REV3L: variants seen among roughly 807,000 people sequenced by gnomAD.
The protein encoded by REV3L is REV3 like, DNA directed polymerase zeta catalytic subunit, also known as DNA polymerase zeta catalytic subunit.
A neutral mutation model predicts 299.4 loss-of-function variants in REV3L; 69 were observed. That is an observed-to-expected ratio of 0.23 (90% CI 0.19 to 0.28). The LOEUF (loss-of-function observed/expected upper bound fraction) is 0.28. REV3L is among the 10% of genes least tolerant of loss of function. The pLI, the probability that REV3L is intolerant of heterozygous loss-of-function variation, is 1.00. For missense variants in REV3L, 3,128 were observed against 3,693.8 expected (o/e 0.85, Z 3.97); for synonymous variants, 1,238 against 1,271.4 (o/e 0.97, Z 0.56).
chr6:111,316,442 TCAC>T (rs1396430131), intron 26 of REV3L, among the ~76,000 whole-genome samples: 1 of 151,762 alleles, frequency 6.6e-6, no homozygotes, highest in Non-Finnish European at 1.5e-5. Context: ...GGCGGGTGTA[TCAC>T]CTGAGGTCAG....
chr6:111,448,272 C>T (rs1274910173), intron 1 of REV3L, among the ~76,000 whole-genome samples: 1 of 152,030 alleles, frequency 6.6e-6, no homozygotes, highest in Non-Finnish European at 1.5e-5. Flanking sequence ...TACCATGCAA[C>T]GAAGATCTGT....
intron 5 of REV3L, among the ~76,000 whole-genome samples, chr6:111,390,614 T>C (rs1454698821): frequency 6.6e-6 from 1 of 152,088 alleles, no homozygotes; most frequent in African/African-American, 2.4e-5. Flanking sequence ...AAAGGGAAGG[T>C]GAGCACACTG....
At chr6:111,417,296 T>C (rs1423831356) in intron 1 of REV3L, among the ~76,000 whole-genome samples, 11 of 152,108 alleles carry the variant, frequency 7.2e-5, no homozygotes, top group Non-Finnish European at 1.5e-4. Flanking sequence ...CATGACAAGA[T>C]TAAGTAACAA....
chr6:111,313,333 C>T lies in REV3L; in HGVS notation c.8604+19G>A. On this transcript the variant is annotated intron_variant, in intron 28 of 31. Coordinates refer to ENST00000368802, the MANE Select transcript of REV3L (RefSeq NM_001372078.1). Reference sequence around the variant, plus strand: ...GCCACTTATTTCTTACAGATGAAGACAAGATAGATAAACCTTACCTTAGAA... The same window carrying T: ...GCCACTTATTTCTTACAGATGAAGATAAGATAGATAAACCTTACCTTAGAA... 6.3e-7 allele frequency: 1 copy of T among 1,596,752 alleles called. No individual in the cohort carries two copies. Among genetic ancestry groups the T allele is most frequent in the Non-Finnish European group, 8.5e-7 (1 of 1,174,724 alleles).
At chr6:111,460,083 A>G (rs1027949778) in intron 1 of REV3L, among the ~76,000 whole-genome samples, 4 of 152,176 alleles carry the variant, frequency 2.6e-5, no homozygotes, top group Admixed American at 1.3e-4. Context: ...AACACTACAC[A>G]GCCACAGAAA....
intron 21 of REV3L, among the ~76,000 whole-genome samples, chr6:111,335,923 T>C (rs1163782303): frequency 6.6e-6 from 1 of 152,040 alleles, no homozygotes; most frequent in Non-Finnish European, 1.5e-5. Flanking sequence ...ATTCTTATTA[T>C]AGAAAATTAA....
rs1309645461 is a variant in REV3L, at chr6:111,429,349, G to C, written c.140-12877C>G. On this transcript the variant is annotated intron_variant, in intron 1 of 31. Coordinates refer to ENST00000368802, the MANE Select transcript of REV3L (RefSeq NM_001372078.1). ...TCTTTCCCAGACAAACTTAAGCTAA[G>C]AGAATTCACCACCACCAGAACCACC... is the stretch of plus-strand genomic sequence containing the variant. 2.0e-5 allele frequency among the ~76,000 whole-genome samples: 3 copies of C among 152,142 alleles called. No individual in the cohort carries two copies. In the East Asian group the frequency reaches 5.8e-4, roughly 29 times the overall value.
chr6:111,476,927 C>G (rs919550144), intron 1 of REV3L, among the ~76,000 whole-genome samples: 1 of 152,066 alleles, frequency 6.6e-6, no homozygotes, highest in Non-Finnish European at 1.5e-5. Flanking sequence ...TAATTTTGTA[C>G]ATGGTTTTTT....
chr6:111,473,223 T>G (rs537013018), intron 1 of REV3L, among the ~76,000 whole-genome samples: 1 of 82,502 alleles, frequency 1.2e-5, no homozygotes, highest in African/African-American at 6.0e-5. Context: ...ATTTTTCACT[T>G]AGATTTTTTT....
chr6:111,404,260 A>T (rs775700372), intron 4 of REV3L, among the ~76,000 whole-genome samples: 1 of 152,220 alleles, frequency 6.6e-6, no homozygotes, highest in Non-Finnish European at 1.5e-5. Context: ...GGATGACAGT[A>T]TAACAGTTGC....
intron 22 of REV3L, among the ~76,000 whole-genome samples, chr6:111,334,218 G>T (rs1775688788): frequency 2.0e-5 from 3 of 152,196 alleles, no homozygotes. Flanking sequence ...GATTACAGGT[G>T]TGAGCCACTG....
chr6:111,331,741 G>A lies in REV3L; in HGVS notation c.7969C>T (p.Pro2657Ser). ...TGCCTAACTTGGTAAAGTAAATCTG[G>A]AGGTACTCTCAGAGAGGTACAGCCA... is the stretch of plus-strand genomic sequence containing the variant. Reference protein sequence around the residue: ...KFGCTSLRVPPDLLYQVRHDI... With the variant: ...KFGCTSLRVPSDLLYQVRHDI... The change falls in exon 24 of 32, where the codon CCA (proline) becomes TCA (serine). Residue 2657 changes from proline (P) to serine (S), a missense_variant. Physicochemically the swap from Pro to Ser is moderately conservative, Grantham distance 74. Transcript: ENST00000368802. 1 of 1,613,304 alleles carries A rather than the reference G, an allele frequency of 6.2e-7. No homozygotes were observed. Among genetic ancestry groups the A allele is most frequent in the Non-Finnish European group, 8.5e-7 (1 of 1,179,640 alleles).
chr6:111,352,260 A>G (rs1777646878), intron 18 of REV3L, among the ~76,000 whole-genome samples: 1 of 152,252 alleles, frequency 6.6e-6, no homozygotes, highest in South Asian at 2.1e-4. Flanking sequence ...TGCCTGCCTC[A>G]GCCTCCCAAA....
chr6:111,469,857 G>A (rs1791969742), intron 1 of REV3L, among the ~76,000 whole-genome samples: 1 of 152,132 alleles, frequency 6.6e-6, no homozygotes, highest in African/African-American at 2.4e-5. Flanking sequence ...AATGCCTATT[G>A]TTTCACAGCA....
chr6:111,387,484 C>T (rs993665902), intron 9 of REV3L, among the ~76,000 whole-genome samples: 3 of 152,116 alleles, frequency 2.0e-5, no homozygotes, highest in Admixed American at 6.5e-5. Context: ...CCAAGCAGAA[C>T]ATCATTTACG....
At chr6:111,310,237 C>A in intron 29 of REV3L, 138 bp from the exon 30 acceptor site, 1 of 1,124,416 alleles carries the variant, frequency 8.9e-7, no homozygotes, top group Non-Finnish European at 1.2e-6. Context: ...ATTACTATTT[C>A]TTTGAGAATA....
intron 1 of REV3L, chr6:111,431,857 G>A (rs10214442): frequency 0.72 from 349,546 of 484,894 alleles, 131,104 homozygotes; most frequent in Non-Finnish European, 0.81. Flanking sequence ...TTTAGAATAT[G>A]TTAAATATTT....
chr6:111,423,540 G>A (rs1785814896), intron 1 of REV3L, among the ~76,000 whole-genome samples: 1 of 151,830 alleles, frequency 6.6e-6, no homozygotes, highest in African/African-American at 2.4e-5. Context: ...GAAAAACAGT[G>A]TGTGTGTGTG....
chr6:111,373,305 C>T lies in REV3L; in HGVS notation c.5050G>A (p.Asp1684Asn). ...PQKFLSDAVQ[D>N]LFPGQAIEKN... ...TCTATAGCTTGTCCTGGAAAAAGAT[C>T]CTGAACAGCATCACTTAGGAACTTC... The change falls in exon 13 of 32, where the codon GAT becomes AAT. Residue 1684 changes from aspartate (D) to asparagine (N), a missense_variant. Asp to Asn is a conservative substitution (Grantham distance 23, BLOSUM62 1). This residue lies in a region of REV3L where 2,409 missense variants were observed against 2,611.8 expected (regional missense o/e 0.92). Coordinates refer to ENST00000368802, the MANE Select transcript of REV3L (RefSeq NM_001372078.1). 1 of 1,613,990 alleles carries T rather than the reference C, an allele frequency of 6.2e-7. No individual in the cohort carries two copies. Among genetic ancestry groups the T allele is most frequent in the Non-Finnish European group, 8.5e-7 (1 of 1,179,986 alleles).
Sources: allele counts gnomAD v4.1 joint callset (sites outside exome capture counted in the v4.1 genomes callset), GRCh38; gene constraint gnomAD v4.1.1; regional missense constraint gnomAD v4.1.1; transcripts MANE v1.5; gene names NCBI Gene and HGNC (gene_info 2026-07-23, HGNC 2026-07-21).